The following RAI14 variants were observed in gnomAD, a reference collection of about 807,000 sequenced individuals.
The protein encoded by RAI14 is retinoic acid induced 14, also known as ankycorbin.
A neutral mutation model predicts 115.4 loss-of-function variants in RAI14; 45 were observed. The observed-to-expected ratio is 0.39, with a 90% CI of 0.31 to 0.50. RAI14 has a LOEUF of 0.50. Ranked by LOEUF, RAI14 falls within the 20% of genes least tolerant of loss-of-function variation. The probability of loss-of-function intolerance (pLI) is 0.85; values close to 1 mark genes in which losing one functional copy is unlikely to be tolerated. For missense variants in RAI14, 939 were observed against 1,131.2 expected, an observed-to-expected ratio of 0.83 and a Z score of 2.44; for synonymous variants, 371 against 415.4, an observed-to-expected ratio of 0.89 and a Z score of 1.30.
rs533244586 is a variant in RAI14 at position 34,830,788 on chromosome 5, T to C, written c.*23T>C. On this transcript the variant is annotated 3_prime_UTR_variant, in exon 18 of 18. Coordinates refer to ENST00000265109, the MANE Select transcript of RAI14 (RefSeq NM_015577.3). Reference sequence around the variant, plus strand: ...TAAAGTGGATTCCTTGGCAGGACACTGCCCCTTGTCATCTGTCTTTGTGTT... The same window carrying C: ...TAAAGTGGATTCCTTGGCAGGACACCGCCCCTTGTCATCTGTCTTTGTGTT... 7 of 1,613,674 alleles carry C rather than the reference T, an allele frequency of 4.3e-6. No homozygotes were observed. The East Asian group carries it at 1.3e-4, about 31-fold the overall frequency.
chr5:34,714,604 C>T (rs1043369384), intron 2 of RAI14, among the ~76,000 whole-genome samples: 3 of 152,196 alleles, frequency 2.0e-5, no homozygotes, highest in African/African-American at 4.8e-5. Flanking sequence ...AACTCTTCAG[C>T]TTTAAAATCC....
intron 6 of RAI14, 101 bp downstream of exon 6, chr5:34,807,958 C>T (rs902317310): frequency 1.3e-5 from 12 of 921,970 alleles, no homozygotes; most frequent in Non-Finnish European, 1.8e-5. Context: ...TCCTGGTGCT[C>T]TTTTCTGTCA....
rs116198023 is a variant in RAI14 at position 34,752,474 on chromosome 5, T to G, written c.37-4994T>G. 6.0e-3 allele frequency among the ~76,000 whole-genome samples: 917 copies of G among 151,930 alleles called. 4 individuals are homozygous for G. The highest frequency in any genetic ancestry group is 0.021 in the African/African-American group (870 of 41,428). On this transcript the variant is annotated intron_variant, in intron 2 of 17. Transcript: ENST00000265109. ...ATGCGATATTTCATCAAGTCTAGACTGTGGGCTTCGGTTGAGATGAGCGAG... is the reference window on the plus strand; with the variant it reads ...ATGCGATATTTCATCAAGTCTAGACGGTGGGCTTCGGTTGAGATGAGCGAG...
At chr5:34,771,704 G>T (rs1221138919) in intron 3 of RAI14, among the ~76,000 whole-genome samples, 1 of 152,190 alleles carries the variant, frequency 6.6e-6, no homozygotes, top group East Asian at 1.9e-4. Flanking sequence ...GGTAGGAAAT[G>T]AAACCTCTCT....
chr5:34,764,634 A>G (rs764800944), intron 3 of RAI14, among the ~76,000 whole-genome samples: 2 of 152,014 alleles, frequency 1.3e-5, no homozygotes. Context: ...ACAAAATAGA[A>G]TTGCAATGAA....
intron 2 of RAI14, among the ~76,000 whole-genome samples, chr5:34,713,413 C>T (rs960048613): frequency 2.6e-5 from 4 of 152,090 alleles, no homozygotes; most frequent in African/African-American, 9.7e-5. Flanking sequence ...CTGAAGCTAT[C>T]CTCCTACTTC....
chr5:34,708,939 T>C (rs576176110), intron 2 of RAI14, among the ~76,000 whole-genome samples: 61 of 152,078 alleles, frequency 4.0e-4, no homozygotes, highest in South Asian at 6.2e-4. Flanking sequence ...GGCCAGGAGT[T>C]TGAAACCAGT....
chr5:34,822,982 A>G lies in RAI14; in HGVS notation c.1140A>G (p.Ala380=), dbSNP rs1410145225. The stretch of plus-strand genomic sequence containing the variant: ...CCAAATCACCCAAGGAGGCGGAAGC[A>G]GACCTAAGCTTTGACTCATACCATT... ...LQAKSPKEAE[A]DLSFDSYHST... Residue 380 remains alanine, a synonymous_variant, in exon 15 of 18, where the codon GCA becomes GCG. Transcript: ENST00000265109. The G allele has an allele frequency of 6.2e-6, 10 of 1,612,614 alleles. No individual in the cohort carries two copies. The highest frequency in any genetic ancestry group is 8.5e-6 in the Non-Finnish European group (10 of 1,179,540).
intron 14 of RAI14, 120 bp downstream of exon 14, chr5:34,821,970 A>C (rs1433241696): frequency 2.0e-6 from 1 of 511,668 alleles, no homozygotes. Context: ...ATTAGCTTTA[A>C]GCATCTTATA....
At position 34,827,159 on chromosome 5, in the gene RAI14, T is replaced by A. The variant is rs1227155873; in HGVS notation, c.2799+680T>A. Among the ~76,000 whole-genome samples, 3 of 152,130 alleles carry A rather than the reference T, an allele frequency of 2.0e-5. No individual in the cohort carries two copies. The highest frequency in any genetic ancestry group is 4.4e-5 in the Non-Finnish European group (3 of 68,016). On this transcript the variant is annotated intron_variant, in intron 16 of 17. Coordinates refer to ENST00000265109, the MANE Select transcript of RAI14 (RefSeq NM_015577.3). The surrounding 1 kb of genome is among the most constrained non-coding windows in gnomAD (Gnocchi z 4.2). ...GTGGCTCATGGCCCCTTACTCCATCTTCGAGGCACATCACTCCAGCATCTG... is the reference window on the plus strand; with the variant it reads ...GTGGCTCATGGCCCCTTACTCCATCATCGAGGCACATCACTCCAGCATCTG...
intron 1 of RAI14, among the ~76,000 whole-genome samples, chr5:34,677,251 G>A (rs922037562): frequency 2.2e-5 from 3 of 134,904 alleles, no homozygotes; most frequent in African/African-American, 5.7e-5. Context: ...AGCAACCTTT[G>A]TCTCCTGGCT....
intron 4 of RAI14, among the ~76,000 whole-genome samples, chr5:34,799,685 A>AT (rs57115550): frequency 0.015 from 1,601 of 103,386 alleles, 92 homozygotes; most frequent in African/African-American, 0.027. Flanking sequence ...ATCTGTTAGC[A>AT]TTTTTTTTTT....
Position 34,791,166 on chromosome 5 carries a change from GC to G in RAI14, c.168-4770del, listed in dbSNP as rs1178760899. On this transcript the variant is annotated intron_variant, in intron 3 of 17. Transcript: ENST00000265109. This position sits in a 1 kb window ranked among gnomAD's most constrained non-coding sequence, Gnocchi z 5.4. The stretch of plus-strand genomic sequence containing the variant: ...GTTGTTTGTATCCATGTGTGTTGGT[GC>G]CCATATGTATTGTTTGGGGTTTGGT... 6.6e-6 allele frequency among the ~76,000 whole-genome samples: 1 copy of G among 152,096 alleles called. No homozygotes were observed. The highest frequency in any genetic ancestry group is 2.4e-5 in the African/African-American group (1 of 41,386).
intron 2 of RAI14, among the ~76,000 whole-genome samples, chr5:34,747,097 C>G (rs780911594): frequency 2.0e-5 from 3 of 152,200 alleles, no homozygotes; most frequent in African/African-American, 4.8e-5. Context: ...TCAGTTATGT[C>G]TTTATCAGCA....
chr5:34,683,456 A>G (rs1744537494), intron 1 of RAI14, among the ~76,000 whole-genome samples: 1 of 152,016 alleles, frequency 6.6e-6, no homozygotes, highest in Non-Finnish European at 1.5e-5. Flanking sequence ...GAAAAGCCAA[A>G]GACAAATACA....
intron 3 of RAI14, among the ~76,000 whole-genome samples, chr5:34,763,598 A>C (rs536942382): frequency 6.6e-6 from 1 of 152,236 alleles, no homozygotes; most frequent in African/African-American, 2.4e-5. Flanking sequence ...CTCAAGATGC[A>C]TAACACCTAG....
In RAI14 at chr5:34,823,283, C is replaced by G. The variant is rs11745337; in HGVS notation, c.1441C>G (p.Leu481Val). 6.2e-7 allele frequency: 1 copy of G among 1,613,910 alleles called. No individual in the cohort carries two copies. Among genetic ancestry groups the G allele is most frequent in the Non-Finnish European group, 8.5e-7 (1 of 1,179,932 alleles). Residue 481 changes from leucine (L) to valine (V), a missense_variant, in exon 15 of 18, where the codon CTC (leucine) becomes GTC (valine). Physicochemically the swap from Leu to Val is conservative, Grantham distance 32 (BLOSUM62 1). Coordinates refer to ENST00000265109, the MANE Select transcript of RAI14 (RefSeq NM_015577.3). The surrounding 1 kb of genome is among the most constrained non-coding windows in gnomAD (Gnocchi z 4.5). ...TGAGATTTCAGAGAACAGCTCTGAC[C>G]TCAGCCAGAAACTTAAAGAAACTCA... is the stretch of plus-strand genomic sequence containing the variant. ...NTEISENSSD[L>V]SQKLKETQSK...
intron 2 of RAI14, among the ~76,000 whole-genome samples, chr5:34,721,465 A>G (rs1742747181): frequency 6.6e-6 from 1 of 151,984 alleles, no homozygotes; most frequent in South Asian, 2.1e-4. Flanking sequence ...CCAGAGCTCA[A>G]GAGGGATGTA....
intron 4 of RAI14, among the ~76,000 whole-genome samples, chr5:34,801,805 T>G (rs1399452175): frequency 3.3e-5 from 5 of 152,006 alleles, no homozygotes; most frequent in Non-Finnish European, 7.4e-5. Flanking sequence ...GAATGGTGGC[T>G]CACGCCTGTA....
Sources: gnomAD v4.1 joint callset for allele counts (sites outside exome capture counted in the v4.1 genomes callset) on GRCh38, gnomAD v4.1.1 for gene constraint, Gnocchi (gnomAD v3.1) non-coding constraint, MANE v1.5 for transcripts, NCBI Gene and HGNC (gene_info 2026-07-23, HGNC 2026-07-21) for gene names.